Variants in PARD3 observed in about 807,000 individuals in gnomAD.
The protein encoded by PARD3 is partitioning defective 3 homolog.
In PARD3, 75 loss-of-function variants were observed where a neutral mutation model predicts 155.4. That is an observed-to-expected ratio of 0.48 (90% confidence interval 0.40 to 0.58). The LOEUF (loss-of-function observed/expected upper bound fraction) is 0.58. Among genes scored for constraint, PARD3 ranks in the 20% least tolerant of loss-of-function variants. PARD3 has a pLI of 0.00. For synonymous variants in PARD3, 576 were observed against 610.5 expected (o/e 0.94, Z 0.83); for missense variants, 1,642 against 1,721.7 (o/e 0.95, Z 0.82).
At chr10:34,358,876 G>GA (rs1185672479) in intron 14 of PARD3, among the ~76,000 whole-genome samples, 1 of 152,124 alleles carries the variant, frequency 6.6e-6, no homozygotes, top group Non-Finnish European at 1.5e-5. Flanking sequence ...CTGATTTCAA[G>GA]AAAAAATTCA....
chr10:34,235,003 T>G (rs1392541344), intron 22 of PARD3, among the ~76,000 whole-genome samples: 2 of 152,242 alleles, frequency 1.3e-5, no homozygotes, highest in Non-Finnish European at 2.9e-5. Flanking sequence ...TTACCAAGTT[T>G]TGTGCTATTT....
intron 2 of PARD3, among the ~76,000 whole-genome samples, chr10:34,673,199 A>G (rs2093639891): frequency 6.6e-6 from 1 of 152,230 alleles, no homozygotes. Flanking sequence ...AAAATAACTA[A>G]GGAGAACCTG....
At chr10:34,367,453 C>G (rs1334560909) in intron 12 of PARD3, among the ~76,000 whole-genome samples, 1 of 152,180 alleles carries the variant, frequency 6.6e-6, no homozygotes, top group Non-Finnish European at 1.5e-5. Flanking sequence ...CGCCTGTAAT[C>G]CCGGCACTTT....
chr10:34,496,749 C>T (rs2080318294), intron 3 of PARD3, among the ~76,000 whole-genome samples: 1 of 152,142 alleles, frequency 6.6e-6, no homozygotes, highest in Non-Finnish European at 1.5e-5. Context: ...ATATATCAAT[C>T]AAATGTAAGG....
At chr10:34,450,526 G>T in intron 4 of PARD3, 78 bp from the exon 5 acceptor site, 2 of 1,337,864 alleles carry the variant, frequency 1.5e-6, no homozygotes, top group Non-Finnish European at 1.0e-6. Flanking sequence ...TTTTTCAAAA[G>T]TAGCAGAAAA....
intron 22 of PARD3, among the ~76,000 whole-genome samples, chr10:34,251,396 G>T (rs576322514): frequency 2.7e-4 from 41 of 152,308 alleles, no homozygotes; most frequent in African/African-American, 9.9e-4. Flanking sequence ...TTATGGGACT[G>T]CTCTGTGTGC....
At chr10:34,304,643 G>A (rs1046692597) in intron 20 of PARD3, among the ~76,000 whole-genome samples, 3 of 152,076 alleles carry the variant, frequency 2.0e-5, no homozygotes, top group Non-Finnish European at 2.9e-5. Flanking sequence ...GTTCAAATTC[G>A]GTGTGACTCT....
intron 3 of PARD3, among the ~76,000 whole-genome samples, chr10:34,510,467 C>A (rs536259131): frequency 6.6e-6 from 1 of 152,186 alleles, no homozygotes; most frequent in East Asian, 1.9e-4. Context: ...TATATTTGTG[C>A]TATTTTGATC....
intron 2 of PARD3, among the ~76,000 whole-genome samples, chr10:34,567,476 T>C (rs1208076435): frequency 6.6e-6 from 1 of 152,204 alleles, no homozygotes; most frequent in African/African-American, 2.4e-5. Context: ...ATTTCTGAAA[T>C]AGTTTTAAAC....
rs147574477 is a variant in PARD3, at chr10:34,336,148, A to T, written c.2605+51T>A. The T allele has an allele frequency of 3.8e-4, 510 of 1,343,910 alleles. No individual in the cohort carries two copies. In the African/African-American group the frequency reaches 6.5e-3, roughly 17 times the overall value. The allele number at this position is 1,343,910 out of a possible 1,614,324, so 83.2% of individuals were successfully genotyped here. ...GATTGGCAGCTCTATAATTGTGATA[A>T]GCTATGTGGGCCATCGTTTCTATGG... is the stretch of plus-strand genomic sequence containing the variant. On this transcript the variant is annotated intron_variant, in intron 18 of 24. Coordinates refer to ENST00000374788, the MANE Select transcript of PARD3 (RefSeq NM_001184785.2).
chr10:34,280,432 A>T (rs1475729987), intron 21 of PARD3, among the ~76,000 whole-genome samples: 3 of 152,182 alleles, frequency 2.0e-5, no homozygotes, highest in Non-Finnish European at 4.4e-5. Flanking sequence ...TTTCTCCCAA[A>T]TTTTTCTGTA....
chr10:34,257,995 C>T (rs937333124), intron 22 of PARD3, among the ~76,000 whole-genome samples: 1 of 152,120 alleles, frequency 6.6e-6, no homozygotes, highest in Non-Finnish European at 1.5e-5. Context: ...TGTATAACAC[C>T]AAAGAGCCAC....
At chr10:34,547,402 T>C (rs1205780697) in intron 2 of PARD3, among the ~76,000 whole-genome samples, 1 of 152,194 alleles carries the variant, frequency 6.6e-6, no homozygotes, top group African/African-American at 2.4e-5. Context: ...ATTTTTCCCT[T>C]TGGGAAGGCT....
intron 22 of PARD3, among the ~76,000 whole-genome samples, chr10:34,199,988 C>A (rs1185643162): frequency 1.3e-5 from 2 of 152,182 alleles, no homozygotes; most frequent in East Asian, 3.9e-4. Flanking sequence ...AGGAAATCAT[C>A]TTGACAGCCA....
At chr10:34,331,840 C>T (rs1261934295) in intron 18 of PARD3, among the ~76,000 whole-genome samples, 1 of 151,906 alleles carries the variant, frequency 6.6e-6, no homozygotes. Context: ...CCTTGCTAAA[C>T]TGCAGACCCA....
chr10:34,667,119 G>A (rs1344798661), intron 2 of PARD3, among the ~76,000 whole-genome samples: 4 of 152,098 alleles, frequency 2.6e-5, no homozygotes, highest in Non-Finnish European at 5.9e-5. Flanking sequence ...AGTGAGCTGA[G>A]ATGACACCAC....
intron 3 of PARD3, among the ~76,000 whole-genome samples, chr10:34,488,299 TTTTTA>T (rs1441178050): frequency 3.3e-5 from 5 of 151,886 alleles, no homozygotes; most frequent in East Asian, 1.9e-4. Flanking sequence ...GAATTTTTTA[TTTTTA>T]TTTTATTTAT....
At chr10:34,138,365 T>G (rs1948008410) in intron 22 of PARD3, among the ~76,000 whole-genome samples, 1 of 152,134 alleles carries the variant, frequency 6.6e-6, no homozygotes, top group African/African-American at 2.4e-5. Flanking sequence ...GGTGATACCT[T>G]TTGTCGACCT....
intron 2 of PARD3, among the ~76,000 whole-genome samples, chr10:34,563,771 C>T (rs186990465): frequency 4.3e-4 from 66 of 152,224 alleles, no homozygotes; most frequent in Admixed American, 1.0e-3. Context: ...CCTCGTGATC[C>T]GCCCGCCTTG....
Sources: gnomAD v4.1 joint callset for allele counts (sites outside exome capture counted in the v4.1 genomes callset) on GRCh38, gnomAD v4.1.1 for gene constraint, MANE v1.5 for transcripts, NCBI Gene and HGNC (gene_info 2026-07-23, HGNC 2026-07-21) for gene names.